The following EXOC6 variants were observed in gnomAD, a reference collection of about 807,000 sequenced individuals.
EXOC6 encodes SEC15-like 1.
In EXOC6, 60 loss-of-function variants were observed where a neutral mutation model predicts 112.5. That is an observed-to-expected ratio of 0.53 (90% CI 0.43 to 0.66). The LOEUF (loss-of-function observed/expected upper bound fraction) is 0.66, where lower values mean the gene tolerates loss of function less well. Among genes scored for constraint, EXOC6 ranks in the 30% least tolerant of loss-of-function variants. EXOC6 has a pLI of 0.00. For missense variants in EXOC6, 855 were observed against 957.1 expected, an observed-to-expected ratio of 0.89 and a Z score of 1.41; for synonymous variants, 295 against 308.0, an observed-to-expected ratio of 0.96 and a Z score of 0.44.
intron 1 of EXOC6, among the ~76,000 whole-genome samples, chr10:92,853,699 C>T: frequency 6.6e-6 from 1 of 152,072 alleles, no homozygotes; most frequent in East Asian, 1.9e-4. Context: ...AAATAATGAA[C>T]TTTGATCCAT....
intron 17 of EXOC6, among the ~76,000 whole-genome samples, chr10:92,963,781 C>T (rs76256382): frequency 6.6e-6 from 1 of 152,150 alleles, no homozygotes; most frequent in Non-Finnish European, 1.5e-5. Flanking sequence ...GCGAGAGCCT[C>T]TGTACCCAGC....
chr10:92,946,286 AC>A (rs1852996537), intron 13 of EXOC6, among the ~76,000 whole-genome samples: 1 of 151,456 alleles, frequency 6.6e-6, no homozygotes, highest in Admixed American at 6.6e-5. Flanking sequence ...ACAGAGCTAG[AC>A]TCCGTCTCAA....
chr10:92,870,414 A>G (rs570582887), intron 1 of EXOC6, among the ~76,000 whole-genome samples: 1 of 152,274 alleles, frequency 6.6e-6, no homozygotes, highest in East Asian at 1.9e-4. Context: ...CTCCGTCAGT[A>G]TGATTGAATT....
At chr10:92,835,650 G>A (rs2133572824) in intron 1 of EXOC6, among the ~76,000 whole-genome samples, 1 of 152,224 alleles carries the variant, frequency 6.6e-6, no homozygotes, top group East Asian at 1.9e-4. Context: ...AGGGCCAAGA[G>A]CTTCTAAATC....
intron 17 of EXOC6, among the ~76,000 whole-genome samples, chr10:92,963,577 T>C (rs1382010537): frequency 6.6e-6 from 1 of 150,688 alleles, no homozygotes; most frequent in Non-Finnish European, 1.5e-5. Flanking sequence ...AGCCTTGAAC[T>C]CCTGGGCTCA....
chr10:92,919,862 A>G (rs1851327103), intron 7 of EXOC6, 120 bp from the exon 8 acceptor site: 7 of 569,556 alleles, frequency 1.2e-5, no homozygotes, highest in Non-Finnish European at 2.1e-5. Flanking sequence ...CTATGGGGGA[A>G]TTGAATAAAT....
chr10:93,004,663 A>G (rs1011812515), intron 19 of EXOC6, among the ~76,000 whole-genome samples: 19 of 152,084 alleles, frequency 1.2e-4, no homozygotes, highest in Admixed American at 3.3e-4. Context: ...TTTTTAACCT[A>G]TACTTGGTCA....
chr10:92,960,300 AAAAGAG>A (rs1853913669), intron 17 of EXOC6, among the ~76,000 whole-genome samples: 1 of 152,200 alleles, frequency 6.6e-6, no homozygotes, highest in Non-Finnish European at 1.5e-5. Context: ...GACATTCTGG[AAAAGAG>A]AAAGCTATGG....
chr10:92,841,956 G>A (rs1459982266), intron 1 of EXOC6, among the ~76,000 whole-genome samples: 3 of 152,096 alleles, frequency 2.0e-5, no homozygotes, highest in East Asian at 3.9e-4. Context: ...TCTGGGTGCC[G>A]TTGATACAGC....
chr10:92,902,077 C>T (rs1316564852), intron 5 of EXOC6, among the ~76,000 whole-genome samples: 1 of 150,874 alleles, frequency 6.6e-6, no homozygotes, highest in Non-Finnish European at 1.5e-5. Context: ...TACACACACA[C>T]ACATACACAC....
upstream of EXOC6, among the ~76,000 whole-genome samples, chr10:92,845,137 G>C (rs1202554815): frequency 2.0e-5 from 3 of 152,190 alleles, no homozygotes; most frequent in African/African-American, 7.2e-5. Context: ...GTCCTGAAAA[G>C]AGATTTTGGA....
At chr10:92,985,073 T>G (rs778257476) in intron 18 of EXOC6, among the ~76,000 whole-genome samples, 2 of 152,062 alleles carry the variant, frequency 1.3e-5, no homozygotes, top group Non-Finnish European at 2.9e-5. Flanking sequence ...CCTTTCCTTC[T>G]TCTCCCTCTT....
At chr10:93,056,486 C>A (rs1040171358) in intron 20 of EXOC6, among the ~76,000 whole-genome samples, 1 of 152,042 alleles carries the variant, frequency 6.6e-6, no homozygotes, top group Non-Finnish European at 1.5e-5. Flanking sequence ...GTGCAAACAG[C>A]GTCCTTGAAA....
chr10:92,966,508 A>G (rs1469966582), intron 17 of EXOC6, among the ~76,000 whole-genome samples: 3 of 139,992 alleles, frequency 2.1e-5, no homozygotes, highest in Non-Finnish European at 3.0e-5. Context: ...TCATTGTTCA[A>G]TTCCCATCTA....
upstream of EXOC6, among the ~76,000 whole-genome samples, chr10:92,834,427 T>C (rs1011542582): frequency 1.3e-5 from 2 of 152,188 alleles, no homozygotes; most frequent in African/African-American, 2.4e-5. Flanking sequence ...CTACATATAG[T>C]TATTGTCTTT....
At chr10:92,931,570 A>G (rs1312315329) in intron 9 of EXOC6, among the ~76,000 whole-genome samples, 2 of 151,436 alleles carry the variant, frequency 1.3e-5, no homozygotes, top group Admixed American at 6.6e-5. Flanking sequence ...TAAAATGTCT[A>G]TTCAAATCTT....
chr10:92,968,495 T>TA (rs1035696529), intron 17 of EXOC6, among the ~76,000 whole-genome samples: 29 of 152,064 alleles, frequency 1.9e-4, no homozygotes, highest in African/African-American at 6.5e-4. Context: ...ATGTTTTACA[T>TA]AAAAAAAATT....
chr10:92,923,439 C>CT (rs1851550706), intron 8 of EXOC6, among the ~76,000 whole-genome samples: 1 of 152,162 alleles, frequency 6.6e-6, no homozygotes, highest in Non-Finnish European at 1.5e-5. Context: ...AGTCGCTTAG[C>CT]TGGCTGGTTC....
chr10:92,895,040 A>G lies in EXOC6; in HGVS notation c.412+20A>G. 7.0e-7 allele frequency: 1 copy of G among 1,436,922 alleles called. No homozygotes were observed. The highest frequency in any genetic ancestry group is 9.8e-7 in the Non-Finnish European group (1 of 1,021,506). The allele number at this position is 1,436,922 out of a possible 1,614,324, so 89.0% of individuals were successfully genotyped here. On this transcript the variant is annotated intron_variant, in intron 4 of 21. Coordinates refer to ENST00000260762, the MANE Select transcript of EXOC6 (RefSeq NM_019053.6). ...TTCCTGGTGAGTTAAACTTGTCTAT[A>G]ATAAAACGTTTGGCTTGGTAAAGTT...
Sources: allele counts gnomAD v4.1 joint callset (sites outside exome capture counted in the v4.1 genomes callset), GRCh38; gene constraint gnomAD v4.1.1; transcripts MANE v1.5; gene names NCBI Gene and HGNC (gene_info 2026-07-23, HGNC 2026-07-21).